The following DSCAM variants were observed in gnomAD, a reference collection of about 807,000 sequenced individuals.
The protein encoded by DSCAM is cell adhesion molecule DSCAM.
In DSCAM, 47 loss-of-function variants were observed where a neutral mutation model predicts 217.7. The observed-to-expected ratio is 0.22, with a 90% CI of 0.17 to 0.28. DSCAM has a LOEUF of 0.28. DSCAM is among the 10% of genes least tolerant of loss of function. The probability of loss-of-function intolerance (pLI) is 1.00; values close to 1 mark genes in which losing one functional copy is unlikely to be tolerated. For missense variants in DSCAM, 2,080 were observed against 2,618.3 expected (o/e 0.79, Z 4.49); for synonymous variants, 1,056 against 1,015.3 (o/e 1.04, Z -0.76).
At chr21:40,650,637 T>C (rs1283720239) in intron 3 of DSCAM, among the ~76,000 whole-genome samples, 1 of 152,166 alleles carries the variant, frequency 6.6e-6, no homozygotes, top group Non-Finnish European at 1.5e-5. Context: ...GTGGGGAGGC[T>C]GGGCACTGTG....
chr21:40,635,668 GTTTTC>G lies in DSCAM; in HGVS notation c.508+57137_508+57141del, dbSNP rs1339866233. On this transcript the variant is annotated intron_variant, in intron 3 of 32. Transcript: ENST00000400454. ...TTCAAGTACACAAGATCTGCACCAT[GTTTTC>G]TTTTATAAGCAAATGGGAGAAATTA... Among the ~76,000 whole-genome samples, 3 of 152,180 alleles carry G rather than the reference GTTTTC, an allele frequency of 2.0e-5. No homozygotes were observed. In the East Asian group the frequency reaches 5.8e-4, roughly 29 times the overall value.
intron 8 of DSCAM, among the ~76,000 whole-genome samples, chr21:40,319,364 A>G (rs188517244): frequency 2.8e-4 from 42 of 152,314 alleles, no homozygotes; most frequent in Non-Finnish European, 5.6e-4. Context: ...TAGTTTCAGA[A>G]AGTGTCAAGG....
At chr21:40,138,301 G>A (rs988546296) in intron 18 of DSCAM, among the ~76,000 whole-genome samples, 7 of 151,104 alleles carry the variant, frequency 4.6e-5, no homozygotes, top group African/African-American at 1.2e-4. Flanking sequence ...ACCTGTGTGC[G>A]TGGTGTGTGT....
At chr21:40,246,451 G>A (rs2205090) in intron 11 of DSCAM, among the ~76,000 whole-genome samples, 1 of 143,974 alleles carries the variant, frequency 6.9e-6, no homozygotes, top group African/African-American at 2.5e-5. Flanking sequence ...TGAGGCAGGA[G>A]AACTGTTGGA....
chr21:40,141,977 C>CACACACACACACACACACACACACACAT (rs1568963723), intron 18 of DSCAM, among the ~76,000 whole-genome samples: 1 of 134,672 alleles, frequency 7.4e-6, no homozygotes, highest in African/African-American at 3.1e-5. Flanking sequence ...ACTTGAAATA[C>CACACACACACACACACACACACACACAT]ACACACACAC....
chr21:40,790,387 G>A (rs2091631390), intron 1 of DSCAM, among the ~76,000 whole-genome samples: 1 of 151,886 alleles, frequency 6.6e-6, no homozygotes, highest in Non-Finnish European at 1.5e-5. Flanking sequence ...TCGCCGTGTT[G>A]GCCAGGCAAA....
chr21:40,053,590 C>T (rs1325679534), intron 29 of DSCAM, among the ~76,000 whole-genome samples: 3 of 152,178 alleles, frequency 2.0e-5, no homozygotes, highest in Non-Finnish European at 4.4e-5. Flanking sequence ...ATTAATGTCA[C>T]TGTAATATTG....
rs550509137 is a variant in DSCAM, at chr21:40,428,702, A to G, written c.509-59457T>C. ...ATGCAAATTTACTAATTCCCTCTAG[A>G]GCAAATATCCATATTTAGTGTCGTG... On this transcript the variant is annotated intron_variant, in intron 3 of 32. Coordinates refer to ENST00000400454, the MANE Select transcript of DSCAM (RefSeq NM_001389.5). Among the ~76,000 whole-genome samples the G allele has an allele frequency of 5.9e-5, 9 of 152,220 alleles. No individual in the cohort carries two copies. In the East Asian group the frequency reaches 1.7e-3, roughly 29 times the overall value.
chr21:40,377,627 G>T (rs985541035), intron 3 of DSCAM, among the ~76,000 whole-genome samples: 1 of 151,904 alleles, frequency 6.6e-6, no homozygotes, highest in Non-Finnish European at 1.5e-5. Context: ...TGCAGACAGG[G>T]CGTTGGAGAC....
intron 27 of DSCAM, among the ~76,000 whole-genome samples, chr21:40,063,770 G>A (rs941320693): frequency 2.0e-5 from 3 of 152,188 alleles, no homozygotes; most frequent in Non-Finnish European, 4.4e-5. Context: ...CATGCCTTTG[G>A]GGGCTGACAA....
chr21:40,572,118 T>TGTGTG (rs2076813023), intron 3 of DSCAM, among the ~76,000 whole-genome samples: 1 of 131,728 alleles, frequency 7.6e-6, no homozygotes, highest in South Asian at 2.5e-4. Flanking sequence ...GTGTGTGTGT[T>TGTGTG]TGTGTGTACA....
chr21:40,712,190 T>C (rs956876243), intron 1 of DSCAM, among the ~76,000 whole-genome samples: 1 of 152,222 alleles, frequency 6.6e-6, no homozygotes. Flanking sequence ...TCTCAGGCTG[T>C]TATGTTTTTG....
intron 1 of DSCAM, among the ~76,000 whole-genome samples, chr21:40,843,523 A>C (rs770790977): frequency 3.1e-4 from 47 of 152,306 alleles, no homozygotes; most frequent in Middle Eastern, 6.8e-3. Flanking sequence ...ATTTTAAACT[A>C]GAATGTGCTC....
intron 29 of DSCAM, among the ~76,000 whole-genome samples, chr21:40,053,829 A>G (rs2088971879): frequency 6.6e-6 from 1 of 152,182 alleles, no homozygotes; most frequent in Non-Finnish European, 1.5e-5. Flanking sequence ...CAGCTCTTGG[A>G]AGGCCATAGA....
intron 2 of DSCAM, among the ~76,000 whole-genome samples, chr21:40,700,864 G>C (rs2090648953): frequency 1.3e-5 from 2 of 151,606 alleles, no homozygotes; most frequent in South Asian, 2.1e-4. Flanking sequence ...AGTCTCCCAA[G>C]TAGCTGGGAC....
chr21:40,519,214 G>A (rs1004202095), intron 3 of DSCAM, among the ~76,000 whole-genome samples: 2 of 152,102 alleles, frequency 1.3e-5, no homozygotes, highest in African/African-American at 2.4e-5. Context: ...AGTGTTATGT[G>A]TGAGCTTGGC....
chr21:40,013,375 G>A lies in DSCAM; in HGVS notation c.5698C>T (p.His1900Tyr), dbSNP rs1313157656. 1.3e-6 allele frequency: 2 copies of A among 1,556,636 alleles called. No homozygotes were observed. Among genetic ancestry groups the A allele is most frequent in the Admixed American group, 3.9e-5 (2 of 51,424 alleles). Residue 1900 changes from histidine to tyrosine, a missense_variant, in exon 33 of 33, where the codon CAT becomes TAT. By Grantham distance (83) the His-to-Tyr change is moderately conservative (BLOSUM62 2). Around this residue, in one of 5 missense-constraint regions of DSCAM, gnomAD observed 145 missense variants for 138.5 expected, o/e 1.05. Transcript: ENST00000400454. ...PKAHRPGDLI[H>Y]LPPYLRMDFL... ...TCCATTCTAAGGTATGGAGGCAAAT[G>A]TATGAGGTCACCTAGAAGGAAAGAC...
At chr21:40,071,765 C>G (rs1306258445) in intron 27 of DSCAM, among the ~76,000 whole-genome samples, 2 of 152,226 alleles carry the variant, frequency 1.3e-5, no homozygotes, top group Non-Finnish European at 2.9e-5. Flanking sequence ...CCCAGAGGCA[C>G]AGAGTCTGTA....
Position 40,078,868 on chromosome 21 carries a change from T to C in DSCAM, c.4530A>G (p.Thr1510=). Residue 1510 remains threonine (T), a synonymous_variant, in exon 26 of 33, where the codon ACA becomes ACG. Coordinates refer to ENST00000400454, the MANE Select transcript of DSCAM (RefSeq NM_001389.5). ...NDGGCPITSF[T]LEYRPFGTTV... ...TGGTCCCAAAGGGCCTGTACTCTAG[T>C]GTGAAGGAGGTGATGGGGCAGCCGC... 1 of 1,614,158 alleles carries C rather than the reference T, an allele frequency of 6.2e-7. No individual in the cohort carries two copies. Among genetic ancestry groups the C allele is most frequent in the Non-Finnish European group, 8.5e-7 (1 of 1,180,020 alleles).
Sources: allele counts gnomAD v4.1 joint callset (sites outside exome capture counted in the v4.1 genomes callset), GRCh38; gene constraint gnomAD v4.1.1; regional missense constraint gnomAD v4.1.1; transcripts MANE v1.5; gene names NCBI Gene and HGNC (gene_info 2026-07-23, HGNC 2026-07-21).